Variants in SMARCC1 observed in about 807,000 individuals in gnomAD.
The protein encoded by SMARCC1 is SWI/SNF related BAF chromatin remodeling complex subunit C1.
Under a neutral mutation model 147.4 loss-of-function variants are expected in SMARCC1, and 43 were observed. The ratio of observed to expected loss-of-function variants is 0.29; its 90% CI spans 0.23 to 0.38. The LOEUF (loss-of-function observed/expected upper bound fraction) is 0.38. Ranked by LOEUF, SMARCC1 falls within the 10% of genes least tolerant of loss-of-function variation. SMARCC1 has a pLI of 1.00. For missense variants in SMARCC1, 1,119 were observed against 1,381.1 expected (o/e 0.81, Z 3.01); for synonymous variants, 495 against 484.4 (o/e 1.02, Z -0.29).
chr3:47,675,348 TA>T, intron 18 of SMARCC1, 126 bp downstream of exon 18: 1 of 529,612 alleles, frequency 1.9e-6, no homozygotes. Context: ...TATAGGAATA[TA>T]AAAGGTAAGA....
At chr3:47,661,102 C>T (rs1352691416) in intron 21 of SMARCC1, among the ~76,000 whole-genome samples, 192 bp downstream of exon 21, 1 of 152,014 alleles carries the variant, frequency 6.6e-6, no homozygotes, top group Non-Finnish European at 1.5e-5. Flanking sequence ...TTAACAGTTA[C>T]AAGATAATTT....
chr3:47,735,921 G>A (rs1166653032), intron 5 of SMARCC1, 113 bp downstream of exon 5: 1 of 466,616 alleles, frequency 2.1e-6, no homozygotes, highest in East Asian at 3.7e-5. Flanking sequence ...TTCTTTTGAT[G>A]CAAATATATC....
intron 2 of SMARCC1, among the ~76,000 whole-genome samples, chr3:47,759,333 A>T (rs1270172964): frequency 6.6e-6 from 1 of 151,606 alleles, no homozygotes; most frequent in Non-Finnish European, 1.5e-5. Flanking sequence ...CTTTAGCAAA[A>T]AAAATTAGGC....
At chr3:47,740,431 G>A (rs890641842) in intron 3 of SMARCC1, among the ~76,000 whole-genome samples, 3 of 151,596 alleles carry the variant, frequency 2.0e-5, no homozygotes, top group Admixed American at 6.6e-5. Flanking sequence ...TCCTGACCTC[G>A]AGATCCACCC....
In SMARCC1 at chr3:47,781,813, T is replaced by G. The variant is rs1384012684; in HGVS notation, c.-16A>C. ...CTGCGGCCATCGTCGCAGCCCGTCG[T>G]CCCCACAGCCTGGCCCACCCCGGCC... On this transcript the variant is annotated 5_prime_UTR_variant, in exon 1 of 28. Coordinates refer to ENST00000254480, the MANE Select transcript of SMARCC1 (RefSeq NM_003074.4). The G allele has an allele frequency of 2.4e-5, 34 of 1,403,308 alleles. No homozygotes were observed. In the South Asian group the frequency reaches 5.3e-4, roughly 22 times the overall value. The allele number at this position is 1,403,308 out of a possible 1,614,324, so 86.9% of individuals were successfully genotyped here.
At chr3:47,742,160 G>A (rs1198531218) in intron 3 of SMARCC1, among the ~76,000 whole-genome samples, 7 of 151,658 alleles carry the variant, frequency 4.6e-5, no homozygotes, top group Non-Finnish European at 8.8e-5. Context: ...TTCCTCTTTC[G>A]GGTTGAAGCT....
At position 47,670,801 on chromosome 3, in the gene SMARCC1, G is replaced by A; in HGVS notation, c.1840-84C>T. The A allele has an allele frequency of 8.2e-6, 7 of 848,946 alleles. No homozygotes were observed. In the East Asian group the frequency reaches 1.7e-4, roughly 21 times the overall value. The allele number at this position is 848,946 out of a possible 1,614,324, so 52.6% of individuals were successfully genotyped here. ...GTAGAATTCCTTTCCAAGCTCAGGG[G>A]ACTGTGTTACGCAAACTATCATGGT... On this transcript the variant is annotated intron_variant, in intron 18 of 27. Coordinates refer to ENST00000254480, the MANE Select transcript of SMARCC1 (RefSeq NM_003074.4).
chr3:47,625,728 A>G (rs56298666), intron 24 of SMARCC1, among the ~76,000 whole-genome samples: 7,005 of 152,306 alleles, frequency 0.046, 215 homozygotes, highest in Non-Finnish European at 0.071. Context: ...AAAAATTCTT[A>G]GAAGAAAAAA....
At chr3:47,770,614 C>CT (rs1028611507) in intron 2 of SMARCC1, among the ~76,000 whole-genome samples, 14 of 151,988 alleles carry the variant, frequency 9.2e-5, no homozygotes, top group Non-Finnish European at 1.8e-4. Context: ...CACAGCAAGA[C>CT]TTTGACTCCA....
rs1242997635 is a variant in SMARCC1, at chr3:47,585,348, C to A, written c.*2861G>T. The stretch of plus-strand genomic sequence containing the variant: ...AGAAAGTATAGGAATCTGGTGAGAC[C>A]CAGCTGGCTTTGGCTCTCTTTATTA... On this transcript the variant is annotated 3_prime_UTR_variant, in exon 28 of 28. Coordinates refer to ENST00000254480, the MANE Select transcript of SMARCC1 (RefSeq NM_003074.4). 1 of 152,162 alleles carries A rather than the reference C, an allele frequency of 6.6e-6. No homozygotes were observed. Among genetic ancestry groups the A allele is most frequent in the Non-Finnish European group, 1.5e-5 (1 of 68,044 alleles). The allele number at this position is 152,162 out of a possible 1,614,324, so 9.4% of individuals were successfully genotyped here.
intron 21 of SMARCC1, among the ~76,000 whole-genome samples, chr3:47,641,947 ATTTT>A (rs953264446): frequency 5.3e-5 from 8 of 151,954 alleles, no homozygotes; most frequent in Non-Finnish European, 2.9e-5. Context: ...AATTTTGTTT[ATTTT>A]TTGATAGAGA....
At chr3:47,762,341 G>T (rs1292292661) in intron 2 of SMARCC1, among the ~76,000 whole-genome samples, 1 of 152,142 alleles carries the variant, frequency 6.6e-6, no homozygotes, top group Non-Finnish European at 1.5e-5. Context: ...AATGAAAACA[G>T]ACTGTTAAAG....
intron 2 of SMARCC1, among the ~76,000 whole-genome samples, chr3:47,766,857 C>T (rs1009180166): frequency 1.3e-5 from 2 of 151,998 alleles, no homozygotes; most frequent in South Asian, 2.1e-4. Context: ...GCCAGCTGTC[C>T]GACATCCAGC....
At chr3:47,609,032 C>A (rs979192346) in intron 26 of SMARCC1, among the ~76,000 whole-genome samples, 2 of 151,606 alleles carry the variant, frequency 1.3e-5, no homozygotes, top group African/African-American at 4.9e-5. Context: ...ACATAAATGG[C>A]ACAAAAAAGG....
At chr3:47,619,051 G>A (rs2032689491) in intron 25 of SMARCC1, among the ~76,000 whole-genome samples, 1 of 152,136 alleles carries the variant, frequency 6.6e-6, no homozygotes, top group African/African-American at 2.4e-5. Flanking sequence ...CAAAAGGGAA[G>A]CTTATTAGGG....
At chr3:47,781,467 G>T in intron 1 of SMARCC1, 136 bp downstream of exon 1, 2 of 503,504 alleles carry the variant, frequency 4.0e-6, no homozygotes, top group African/African-American at 2.0e-5. Flanking sequence ...CGGCGGGGGC[G>T]TGGCGGGCCC....
intron 24 of SMARCC1, among the ~76,000 whole-genome samples, chr3:47,634,887 C>A (rs761451971): frequency 1.3e-4 from 20 of 152,116 alleles, no homozygotes; most frequent in Non-Finnish European, 2.5e-4. Context: ...GTTCTGCAGG[C>A]AAATTAAAAA....
At position 47,729,015 on chromosome 3, in the gene SMARCC1, A is replaced by G; in HGVS notation, c.646+10T>C. 1 of 1,600,600 alleles carries G rather than the reference A, an allele frequency of 6.2e-7. No individual in the cohort carries two copies. Among genetic ancestry groups the G allele is most frequent in the Non-Finnish European group, 8.6e-7 (1 of 1,169,186 alleles). On this transcript the variant is annotated intron_variant, in intron 6 of 27. Transcript: ENST00000254480. ...TGAGCTCATCTGTTCACAACGCAAA[A>G]CTAACTTACCATCGTCTTGTGAGGA...
chr3:47,626,097 T>C (rs989196554), intron 24 of SMARCC1, among the ~76,000 whole-genome samples: 3 of 151,310 alleles, frequency 2.0e-5, no homozygotes, highest in Non-Finnish European at 4.4e-5. Flanking sequence ...GAGGCTGCAG[T>C]GAGCTGTGAT....
Sources: allele counts gnomAD v4.1 joint callset (sites outside exome capture counted in the v4.1 genomes callset), GRCh38; gene constraint gnomAD v4.1.1; transcripts MANE v1.5; gene names NCBI Gene and HGNC (gene_info 2026-07-23, HGNC 2026-07-21).